TSC22D2: variants seen among roughly 807,000 people sequenced by gnomAD.
TSC22D2 encodes the protein TSC22 domain family member 2.
Under a neutral mutation model 50.1 loss-of-function variants are expected in TSC22D2, and 5 were observed. That is an observed-to-expected ratio of 0.10 (90% CI 0.05 to 0.21). The LOEUF (loss-of-function observed/expected upper bound fraction) is 0.21. TSC22D2 is among the 10% of genes least tolerant of loss of function. TSC22D2 has a pLI of 1.00. For synonymous variants in TSC22D2, 501 were observed against 450.1 expected (o/e 1.11, Z -1.43); for missense variants, 1,003 against 1,015.5 (o/e 0.99, Z 0.17).
In TSC22D2 at chr3:150,411,247, A is replaced by T; in HGVS notation, c.1897A>T (p.Met633Leu). 2 of 1,614,210 alleles carry T rather than the reference A, an allele frequency of 1.2e-6. No individual in the cohort carries two copies. Among genetic ancestry groups the T allele is most frequent in the Non-Finnish European group, 1.7e-6 (2 of 1,180,022 alleles). ...SLANPLQLTP[M>L]NSLATSVFSI... Reference sequence around the variant, plus strand: ...GGCAAACCCCCTTCAGTTAACACCTATGAACAGTCTGGCCACCTCTGTATT... The same window carrying T: ...GGCAAACCCCCTTCAGTTAACACCTTTGAACAGTCTGGCCACCTCTGTATT... The change falls in exon 1 of 3, where the codon ATG (methionine) becomes TTG (leucine). Residue 633 changes from methionine to leucine, a missense_variant. Physicochemically the swap from Met to Leu is conservative, Grantham distance 15. Around this residue, in one of 6 missense-constraint regions of TSC22D2, gnomAD observed 696 missense variants for 647.8 expected, o/e 1.07. Transcript: ENST00000688009.
In TSC22D2 at chr3:150,410,658, C is replaced by A; in HGVS notation, c.1308C>A (p.Ala436=). The A allele has an allele frequency of 6.4e-7, 1 of 1,554,510 alleles. No homozygotes were observed. Among genetic ancestry groups the A allele is most frequent in the South Asian group, 1.2e-5 (1 of 85,050 alleles). The change falls in exon 1 of 3, where the codon GCC becomes GCA. Residue 436 remains alanine, a synonymous_variant. Coordinates refer to ENST00000688009, the MANE Select transcript of TSC22D2 (RefSeq NM_001303264.2). ...LMGASSQPSE[A]MAPRTGPAQG... ...GCGCGTCTTCCCAGCCCAGCGAAGC[C>A]ATGGCCCCCCGGACGGGACCAGCGC...
chr3:150,422,913 T>C (rs1052298161), intron 1 of TSC22D2: 1 of 561,914 alleles, frequency 1.8e-6, no homozygotes, highest in South Asian at 3.1e-5. Context: ...TAAGCAAACT[T>C]ATGTGGTTTT....
chr3:150,442,285 C>T (rs1279896905), intron 1 of TSC22D2, among the ~76,000 whole-genome samples: 1 of 152,140 alleles, frequency 6.6e-6, no homozygotes, highest in African/African-American at 2.4e-5. Flanking sequence ...TCTTATATAT[C>T]TCCTGCACTA....
rs753010309 is a variant in TSC22D2, at chr3:150,410,343, G to A, written c.993G>A (p.Leu331=). ...GQTLPPTNVT[L]AQPAMSLPPQ... ...CTCTGCCGCCGACGAATGTAACCCTGGCGCAGCCGGCTATGTCCCTGCCTC... is the reference window on the plus strand; with the variant it reads ...CTCTGCCGCCGACGAATGTAACCCTAGCGCAGCCGGCTATGTCCCTGCCTC... The change falls in exon 1 of 3, where the codon CTG becomes CTA. Residue 331 remains leucine (L), a synonymous_variant. Transcript: ENST00000688009. The A allele has an allele frequency of 1.3e-6, 2 of 1,592,404 alleles. No homozygotes were observed. Among genetic ancestry groups the A allele is most frequent in the Non-Finnish European group, 1.7e-6 (2 of 1,169,192 alleles).
intron 1 of TSC22D2, among the ~76,000 whole-genome samples, chr3:150,414,432 T>G (rs748126166): frequency 1.3e-5 from 2 of 152,158 alleles, no homozygotes; most frequent in Non-Finnish European, 2.9e-5. Flanking sequence ...ACAGTACAGA[T>G]CACTTTCCAT....
intron 1 of TSC22D2, among the ~76,000 whole-genome samples, chr3:150,448,573 A>G (rs1400134226): frequency 2.0e-5 from 3 of 152,212 alleles, no homozygotes; most frequent in Admixed American, 6.5e-5. Flanking sequence ...AACTTGAAAT[A>G]GGATATTAAT....
At chr3:150,442,571 G>T (rs1259230705) in intron 1 of TSC22D2, among the ~76,000 whole-genome samples, 6 of 152,200 alleles carry the variant, frequency 3.9e-5, no homozygotes, top group Admixed American at 3.3e-4. Flanking sequence ...AACATAGTAA[G>T]TGTTTACCAT....
intron 1 of TSC22D2, chr3:150,423,108 G>T (rs772761749): frequency 6.2e-7 from 1 of 1,612,590 alleles, no homozygotes. Flanking sequence ...GAATCAAAGA[G>T]CCTCTGGGAT....
rs1407687443 is a variant in TSC22D2, at chr3:150,429,815, T to TG, written c.1958+18508dup. Among the ~76,000 whole-genome samples the TG allele has an allele frequency of 2.6e-5, 4 of 152,260 alleles. No individual in the cohort carries two copies. In the East Asian group the frequency reaches 7.7e-4, roughly 29 times the overall value. The stretch of plus-strand genomic sequence containing the variant: ...GTGTTTGTCCCCAATTATAGTTACT[T>TG]GCTATTTAAGGCATTTTCCTGTTAC... On this transcript the variant is annotated intron_variant, in intron 1 of 2. Coordinates refer to ENST00000688009, the MANE Select transcript of TSC22D2 (RefSeq NM_001303264.2).
chr3:150,458,760 T>G lies in TSC22D2; in HGVS notation c.*124T>G, dbSNP rs144546551. 88 of 1,232,482 alleles carry G rather than the reference T, an allele frequency of 7.1e-5. No homozygotes were observed. The East Asian group carries it at 1.9e-3, about 27-fold the overall frequency. 76.3% of individuals were successfully genotyped at this position (1,232,482 alleles called of 1,614,324 possible). On this transcript the variant is annotated 3_prime_UTR_variant, in exon 3 of 3. Coordinates refer to ENST00000688009, the MANE Select transcript of TSC22D2 (RefSeq NM_001303264.2). ...TTGGTTGTGTGTTTGGCCTTTTCAG[T>G]ATTAGACAATCATTCTACAAGAGCT...
chr3:150,440,542 C>T (rs1054658674), intron 1 of TSC22D2, among the ~76,000 whole-genome samples: 3 of 151,504 alleles, frequency 2.0e-5, no homozygotes, highest in Non-Finnish European at 4.4e-5. Flanking sequence ...AAACAGCAAA[C>T]ACTAGGAAGC....
rs1378847616 is a variant in TSC22D2 at position 150,459,568 on chromosome 3, T to G, written c.*932T>G. The G allele has an allele frequency of 7.8e-6, 1 of 128,244 alleles. No homozygotes were observed. Among genetic ancestry groups the G allele is most frequent in the Non-Finnish European group, 1.7e-5 (1 of 59,008 alleles). 7.9% of individuals were successfully genotyped at this position (128,244 alleles called of 1,614,324 possible). A position where few individuals can be genotyped will look rare whatever the true frequency, so the allele number is the denominator to read the frequency against. On this transcript the variant is annotated 3_prime_UTR_variant, in exon 3 of 3. Coordinates refer to ENST00000688009, the MANE Select transcript of TSC22D2 (RefSeq NM_001303264.2). ...TGTGTAATGGAGTTTGGTTTTTTTTTGTTGTTTTTTTTTTTTTGTCTTTTT... is the reference window on the plus strand; with the variant it reads ...TGTGTAATGGAGTTTGGTTTTTTTTGGTTGTTTTTTTTTTTTTGTCTTTTT...
In TSC22D2 at chr3:150,410,924, C is replaced by T. The variant is rs139411630; in HGVS notation, c.1574C>T (p.Ser525Phe). The change falls in exon 1 of 3, where the codon TCT becomes TTT. Residue 525 changes from serine to phenylalanine, a missense_variant. By Grantham distance (155) the Ser-to-Phe change is radical. Around this residue, in one of 6 missense-constraint regions of TSC22D2, gnomAD observed 696 missense variants for 647.8 expected, o/e 1.07. Transcript: ENST00000688009. ...AGCGTGCCTAGTGTGTCTACCACTT[C>T]TGTTACTATGCCAAATGTACCCGCG... Reference protein sequence around the residue: ...APSVPSVSTTSVTMPNVPAPL... With the variant: ...APSVPSVSTTFVTMPNVPAPL... 568 of 1,614,034 alleles carry T rather than the reference C, an allele frequency of 3.5e-4. No individual in the cohort carries two copies. The highest frequency in any genetic ancestry group is 4.6e-4 in the Non-Finnish European group (541 of 1,180,056).
At chr3:150,429,960 ACCTGACTCAGCAAAAGTTTGT>A (rs1373371844) in intron 1 of TSC22D2, among the ~76,000 whole-genome samples, 2 of 152,186 alleles carry the variant, frequency 1.3e-5, no homozygotes, top group African/African-American at 4.8e-5. Flanking sequence ...GTTTGCAATT[ACCTGACTCAGCAAAAGTTTGT>A]TCTCCTATAA....
At chr3:150,415,641 T>G (rs1036303745) in intron 1 of TSC22D2, among the ~76,000 whole-genome samples, 1 of 152,124 alleles carries the variant, frequency 6.6e-6, no homozygotes, top group Admixed American at 6.5e-5. Flanking sequence ...ATAGCGAGGC[T>G]TTGTCTCTAC....
chr3:150,426,411 G>A (rs60875454), intron 1 of TSC22D2, among the ~76,000 whole-genome samples: 2,257 of 152,254 alleles, frequency 0.015, 68 homozygotes, highest in African/African-American at 0.052. Context: ...AACCTATCCT[G>A]ATGATCACTG....
chr3:150,454,991 G>GT (rs984402774), intron 1 of TSC22D2, among the ~76,000 whole-genome samples: 8 of 151,410 alleles, frequency 5.3e-5, no homozygotes, highest in South Asian at 4.2e-4. Context: ...AGTAATTTTT[G>GT]TTTTTTTTAC....
At chr3:150,458,240 G>A (rs995164849) in intron 2 of TSC22D2, 136 bp from the exon 3 acceptor site, 26 of 906,818 alleles carry the variant, frequency 2.9e-5, no homozygotes, top group East Asian at 1.1e-4. Context: ...CCATAGGCTC[G>A]GTCAAGATAA....
Position 150,466,281 on chromosome 3 carries a change from A to G in TSC22D2, c.*7645A>G, listed in dbSNP as rs1721543272. ...CATATTTGTGTATTATATAGAGAGA[A>G]GGTCTGGAAGGATACTAACCAAACT... On this transcript the variant is annotated 3_prime_UTR_variant, in exon 3 of 3. Coordinates refer to ENST00000688009, the MANE Select transcript of TSC22D2 (RefSeq NM_001303264.2). 1 of 152,062 alleles carries G rather than the reference A, an allele frequency of 6.6e-6. No homozygotes were observed. Among genetic ancestry groups the G allele is most frequent in the South Asian group, 2.1e-4 (1 of 4,810 alleles). The allele number at this position is 152,062 out of a possible 1,614,324, so 9.4% of individuals were successfully genotyped here. A position where few individuals can be genotyped will look rare whatever the true frequency, so the allele number is the denominator to read the frequency against.
Sources: gnomAD v4.1 joint callset for allele counts (sites outside exome capture counted in the v4.1 genomes callset) on GRCh38, gnomAD v4.1.1 for gene constraint, gnomAD v4.1.1 regional missense constraint, MANE v1.5 for transcripts, NCBI Gene and HGNC (gene_info 2026-07-23, HGNC 2026-07-21) for gene names.